Variants in USH2A observed in about 807,000 individuals in gnomAD.
USH2A encodes Usher syndrome 2A (autosomal recessive, mild).
In USH2A, 443 loss-of-function variants were observed where a neutral mutation model predicts 538.9. The observed-to-expected ratio is 0.82, with a 90% CI of 0.76 to 0.89. The LOEUF (loss-of-function observed/expected upper bound fraction) is 0.89. USH2A is among the 40% of genes least tolerant of loss of function. The probability of loss-of-function intolerance (pLI) is 0.00; values close to 1 mark genes in which losing one functional copy is unlikely to be tolerated. For missense variants in USH2A, 6,633 were observed against 6,324.8 expected (o/e 1.05, Z -1.65); for synonymous variants, 2,413 against 2,273.5 (o/e 1.06, Z -1.75).
rs1571919272 is a variant in USH2A, at chr1:215,634,570, T to C, written c.15186A>G (p.Ile5062Met). 6.2e-7 allele frequency: 1 copy of C among 1,614,142 alleles called. No homozygotes were observed. The highest frequency in any genetic ancestry group is 8.5e-7 in the Non-Finnish European group (1 of 1,180,024). The change falls in exon 70 of 72, where the codon ATA becomes ATG. Residue 5062 changes from isoleucine (I) to methionine (M), a missense_variant. Ile to Met is a conservative substitution (Grantham distance 10). Coordinates refer to ENST00000307340, the MANE Select transcript of USH2A (RefSeq NM_206933.4). Reference protein sequence around the residue: ...LILLAIFLSLILQRKIHKEPY... With the variant: ...LILLAIFLSLMLQRKIHKEPY... ...GCTCTTTGTGGATTTTTCTTTGTAG[T>C]ATCAGGGACAGAAAAATGGCCAACA...
At chr1:216,220,745 G>A (rs1438262970) in intron 14 of USH2A, among the ~76,000 whole-genome samples, 1 of 152,002 alleles carries the variant, frequency 6.6e-6, no homozygotes, top group Non-Finnish European at 1.5e-5. Flanking sequence ...GTGGCAAGGA[G>A]CAATGGAAAT....
chr1:216,149,879 C>T (rs951748136), intron 21 of USH2A, among the ~76,000 whole-genome samples: 2 of 152,164 alleles, frequency 1.3e-5, no homozygotes, highest in Non-Finnish European at 2.9e-5. Flanking sequence ...ACTGGGTTCA[C>T]CATTCCAGAA....
chr1:216,042,411 G>T (rs771138210), intron 32 of USH2A, among the ~76,000 whole-genome samples: 1 of 151,392 alleles, frequency 6.6e-6, no homozygotes, highest in Non-Finnish European at 1.5e-5. Flanking sequence ...TCCACTTCTC[G>T]GTTTCTCTAT....
chr1:215,653,062 C>A (rs190394871), intron 64 of USH2A, among the ~76,000 whole-genome samples: 3 of 152,160 alleles, frequency 2.0e-5, no homozygotes, highest in African/African-American at 7.2e-5. Flanking sequence ...CAGCACAGTT[C>A]TGGCTCTGGC....
At chr1:215,925,497 A>G (rs1666215277) in intron 38 of USH2A, among the ~76,000 whole-genome samples, 1 of 152,196 alleles carries the variant, frequency 6.6e-6, no homozygotes, top group South Asian at 2.1e-4. Context: ...TAAATTGTGT[A>G]GCTTTTAATA....
Position 216,292,367 on chromosome 1 carries a change from C to G in USH2A, c.1648G>C (p.Asp550His), listed in dbSNP as rs727504805. ...TCATTATAAAGAGGCAAGCAGCGAT[C>G]ACACTAGAACAAAAAATATCAGAAC... ...QESFTEGLHC[D>H]RCLPLYNDKP... Residue 550 changes from aspartate to histidine, a missense_variant, in exon 10 of 72, where the codon GAT (aspartate) becomes CAT (histidine). By Grantham distance (81) the Asp-to-His change is moderately conservative. Transcript: ENST00000307340. The G allele has an allele frequency of 3.2e-5, 52 of 1,613,524 alleles. No individual in the cohort carries two copies. The South Asian group carries it at 5.4e-4, about 17-fold the overall frequency.
chr1:215,907,334 C>A (rs1665665197), intron 38 of USH2A, among the ~76,000 whole-genome samples: 1 of 151,946 alleles, frequency 6.6e-6, no homozygotes, highest in Admixed American at 6.6e-5. Context: ...CCTCTGGTAC[C>A]ATTCGTGGGC....
At chr1:215,909,013 CATTAAATATATTATAT>C (rs1332799494) in intron 38 of USH2A, among the ~76,000 whole-genome samples, 1 of 148,988 alleles carries the variant, frequency 6.7e-6, no homozygotes, top group African/African-American at 2.4e-5. Context: ...ACAAGTATAT[CATTAAATATATTATAT>C]ATCTACATGT....
At position 215,759,819 on chromosome 1, in the gene USH2A, A is replaced by G; in HGVS notation, c.11072T>C (p.Ile3691Thr). 2 of 1,614,020 alleles carry G rather than the reference A, an allele frequency of 1.2e-6. No individual in the cohort carries two copies. The highest frequency in any genetic ancestry group is 1.7e-6 in the Non-Finnish European group (2 of 1,179,882). The change falls in exon 57 of 72, where the codon ATT (isoleucine) becomes ACT (threonine). Residue 3691 changes from isoleucine (I) to threonine (T), a missense_variant. Ile to Thr is a moderately conservative substitution (Grantham distance 89). Transcript: ENST00000307340. Reference sequence around the variant, plus strand: ...TTCCACTGTTGTAGAATTGATGATAATGTGTCGAGGTGTCACCCAAACTCC... The same window carrying G: ...TTCCACTGTTGTAGAATTGATGATAGTGTGTCGAGGTGTCACCCAAACTCC... ...PEGVWVTPRH[I>T]IINSTTVELY... is the part of the protein sequence containing the mutation.
intron 11 of USH2A, among the ~76,000 whole-genome samples, chr1:216,262,921 T>C (rs895011647): frequency 2.0e-5 from 3 of 151,812 alleles, no homozygotes; most frequent in Non-Finnish European, 2.9e-5. Flanking sequence ...AAGACTCAAA[T>C]AAAATCAGAA....
At chr1:216,188,113 G>C (rs1489987995) in intron 20 of USH2A, among the ~76,000 whole-genome samples, 2 of 151,918 alleles carry the variant, frequency 1.3e-5, no homozygotes, top group Non-Finnish European at 2.9e-5. Context: ...CCTGCCAGTG[G>C]ACAGGAGTCG....
At chr1:215,689,578 T>C (rs950129945) in intron 61 of USH2A, among the ~76,000 whole-genome samples, 3 of 152,196 alleles carry the variant, frequency 2.0e-5, no homozygotes, top group African/African-American at 7.2e-5. Flanking sequence ...GCCATAAATA[T>C]GGCAGACACC....
intron 37 of USH2A, among the ~76,000 whole-genome samples, chr1:215,961,593 A>C (rs1343680671): frequency 6.6e-6 from 1 of 151,598 alleles, no homozygotes; most frequent in Non-Finnish European, 1.5e-5. Context: ...TAAAATAAAA[A>C]TAATGAAGAG....
At chr1:216,138,041 C>A (rs1313430866) in intron 21 of USH2A, among the ~76,000 whole-genome samples, 7 of 151,972 alleles carry the variant, frequency 4.6e-5, no homozygotes, top group Non-Finnish European at 1.0e-4. Context: ...ATAAAGTTTT[C>A]TTTAAATAAT....
chr1:216,208,048 A>C (rs543580102), intron 15 of USH2A, among the ~76,000 whole-genome samples: 109 of 152,322 alleles, frequency 7.2e-4, no homozygotes, highest in Admixed American at 1.3e-3. Context: ...CTTATCAGGC[A>C]CATAAGAAAT....
intron 4 of USH2A, among the ~76,000 whole-genome samples, chr1:216,355,503 C>T (rs2038377507): frequency 6.6e-6 from 1 of 151,960 alleles, no homozygotes; most frequent in Admixed American, 6.6e-5. Context: ...TAACAGTAAT[C>T]AATGTAGAAT....
chr1:216,214,270 T>G (rs1572057394), intron 15 of USH2A, among the ~76,000 whole-genome samples: 3 of 152,048 alleles, frequency 2.0e-5, no homozygotes, highest in Non-Finnish European at 4.4e-5. Flanking sequence ...TTATTCATAG[T>G]AGACCAATGC....
chr1:216,010,362 C>T (rs1257923680), intron 32 of USH2A, among the ~76,000 whole-genome samples: 1 of 152,146 alleles, frequency 6.6e-6, no homozygotes, highest in Non-Finnish European at 1.5e-5. Context: ...CTGTGCCGGA[C>T]CCCACTGGAA....
intron 56 of USH2A, among the ~76,000 whole-genome samples, chr1:215,764,695 A>G (rs1661077590): frequency 1.3e-5 from 2 of 152,184 alleles, no homozygotes; most frequent in South Asian, 4.1e-4. Flanking sequence ...TATCTGATGT[A>G]CTTCGAAAAT....
Sources: gnomAD v4.1 joint callset for allele counts (sites outside exome capture counted in the v4.1 genomes callset) on GRCh38, gnomAD v4.1.1 for gene constraint, MANE v1.5 for transcripts, NCBI Gene and HGNC (gene_info 2026-07-23, HGNC 2026-07-21) for gene names.